GSDME: variants seen among roughly 807,000 people sequenced by gnomAD.
GSDME encodes gasdermin-E.
GSDME carries 44 observed loss-of-function variants against 47.5 expected under a neutral mutation model. The ratio of observed to expected loss-of-function variants is 0.93; its 90% confidence interval spans 0.73 to 1.19. GSDME has a LOEUF of 1.19. GSDME is among the 50% of genes most tolerant of loss of function. The pLI is 0.00. For missense variants in GSDME, 663 were observed against 604.2 expected (o/e 1.10, Z -1.02); for synonymous variants, 258 against 252.8 (o/e 1.02, Z -0.20).
the GSDME span, among the ~76,000 whole-genome samples, chr7:24,777,564 A>C: frequency 1.3e-5 from 2 of 152,192 alleles, no homozygotes; most frequent in Non-Finnish European, 2.9e-5. Context: ...CCCACACCTA[A>C]GACTGAGCCT....
chr7:24,784,321 G>A, the GSDME span, among the ~76,000 whole-genome samples: 3 of 152,144 alleles, frequency 2.0e-5, no homozygotes, highest in African/African-American at 4.8e-5. Flanking sequence ...ACTGACTCAC[G>A]TGATCACAAG....
upstream of GSDME, among the ~76,000 whole-genome samples, chr7:24,759,491 G>C (rs770566159): frequency 6.6e-6 from 1 of 151,996 alleles, no homozygotes; most frequent in Non-Finnish European, 1.5e-5. Context: ...TCTGTCTACT[G>C]TCACCAAGCA....
chr7:24,705,880 C>A lies in GSDME; in HGVS notation c.1183+304G>T. 8 of 461,152 alleles carry A rather than the reference C, an allele frequency of 1.7e-5. No individual in the cohort carries two copies. Among genetic ancestry groups the A allele is most frequent in the South Asian group, 1.5e-4 (7 of 48,146 alleles). The allele number at this position is 461,152 out of a possible 1,614,324, so 28.6% of individuals were successfully genotyped here. Reference sequence around the variant, plus strand: ...CTGGGACTCCGGAGTGAACCACAGCCTGTCAGGGAGATGCTTGCTTTTGTA... The same window carrying A: ...CTGGGACTCCGGAGTGAACCACAGCATGTCAGGGAGATGCTTGCTTTTGTA... On this transcript the variant is annotated intron_variant, in intron 8 of 9. Coordinates refer to ENST00000645220, the MANE Select transcript of GSDME (RefSeq NM_001127453.2). This position sits in a 1 kb window ranked among gnomAD's most constrained non-coding sequence, Gnocchi z 4.1.
chr7:24,713,185 A>G (rs1789422124), intron 5 of GSDME, among the ~76,000 whole-genome samples: 1 of 152,172 alleles, frequency 6.6e-6, no homozygotes, highest in African/African-American at 2.4e-5. Flanking sequence ...AGAGCATATG[A>G]TGGAAAGGCC....
At chr7:24,760,173 A>G (rs145838571), upstream of GSDME, among the ~76,000 whole-genome samples, 38 of 152,348 alleles carry the variant, frequency 2.5e-4, no homozygotes, top group African/African-American at 8.9e-4. This position sits in a 1 kb window ranked among gnomAD's most constrained non-coding sequence, Gnocchi z 4.2. Context: ...TCTGAAACAC[A>G]TCTATTGGGT....
In GSDME at chr7:24,705,763, AG is replaced by A; in HGVS notation, c.1183+420del. 3.1e-6 allele frequency: 1 copy of A among 323,882 alleles called. No individual in the cohort carries two copies. The highest frequency in any genetic ancestry group is 6.0e-6 in the Non-Finnish European group (1 of 166,296). 20.1% of individuals were successfully genotyped at this position (323,882 alleles called of 1,614,324 possible). On this transcript the variant is annotated intron_variant, in intron 8 of 9. Transcript: ENST00000645220. This position sits in a 1 kb window ranked among gnomAD's most constrained non-coding sequence, Gnocchi z 4.1. ...CCCCTTGCCCCAGACAGGAGCACGC[AG>A]GGTGGGGAATAACAAGTTTGCAAAG...
At chr7:24,762,831 T>G (rs1791186915), upstream of GSDME, among the ~76,000 whole-genome samples, 1 of 150,124 alleles carries the variant, frequency 6.7e-6, no homozygotes, top group Non-Finnish European at 1.5e-5. Context: ...ACTAAGGTAC[T>G]TCTAGGTTTT....
In GSDME at chr7:24,716,513, A is replaced by G. The variant is rs1288590270; in HGVS notation, c.697+741T>C. 4 of 152,856 alleles carry G rather than the reference A, an allele frequency of 2.6e-5. No individual in the cohort carries two copies. Among genetic ancestry groups the G allele is most frequent in the African/African-American group, 9.6e-5 (4 of 41,464 alleles). The allele number at this position is 152,856 out of a possible 1,614,324, so 9.5% of individuals were successfully genotyped here. ...TCATGTCCCTAAGGAGCGGTCACAC[A>G]GCTTTCATGAGTGAACACAACCTCT... is the stretch of plus-strand genomic sequence containing the variant. On this transcript the variant is annotated intron_variant, in intron 5 of 9. Transcript: ENST00000645220. The surrounding 1 kb of genome is among the most constrained non-coding windows in gnomAD (Gnocchi z 4.5).
chr7:24,733,564 G>A lies in GSDME; in HGVS notation c.404+10998C>T, dbSNP rs1023263903. Among the ~76,000 whole-genome samples the A allele has an allele frequency of 9.2e-5, 14 of 152,086 alleles. No homozygotes were observed. Among genetic ancestry groups the A allele is most frequent in the Admixed American group, 3.3e-4 (5 of 15,272 alleles). On this transcript the variant is annotated intron_variant, in intron 3 of 9. Coordinates refer to ENST00000645220, the MANE Select transcript of GSDME (RefSeq NM_001127453.2). This position sits in a 1 kb window ranked among gnomAD's most constrained non-coding sequence, Gnocchi z 4.3. ...GGGACCCCACTGCCCTGAAGAGTGC[G>A]TCTCAAACCTGCCAGCATTCACCAC...
chr7:24,790,865 C>T, the GSDME span, among the ~76,000 whole-genome samples: 1 of 152,026 alleles, frequency 6.6e-6, no homozygotes, highest in East Asian at 1.9e-4. This position sits in a 1 kb window ranked among gnomAD's most constrained non-coding sequence, Gnocchi z 4.1. Flanking sequence ...AACTTTTTGC[C>T]CTACCTTAGT....
In GSDME at chr7:24,717,372, C is replaced by T. The variant is rs1449532460; in HGVS notation, c.579G>A (p.Val193=). The T allele has an allele frequency of 1.9e-6, 3 of 1,614,074 alleles. No individual in the cohort carries two copies. Among genetic ancestry groups the T allele is most frequent in the African/African-American group, 1.3e-5 (1 of 74,912 alleles). ...IVGIQTKTVQ[V]SATEDGNVTK... Reference sequence around the variant, plus strand: ...TGACATTCCCATCCTCCGTCGCTGACACCTGTGGGCAAAAGCGCACACTCC... The same window carrying T: ...TGACATTCCCATCCTCCGTCGCTGATACCTGTGGGCAAAAGCGCACACTCC... The change falls in exon 5 of 10, where the codon GTG becomes GTA. Residue 193 remains valine (V), a splice_region_variant and synonymous_variant. Coordinates refer to ENST00000645220, the MANE Select transcript of GSDME (RefSeq NM_001127453.2).
At chr7:24,719,322 A>G (rs1017759985) in intron 3 of GSDME, 104 bp from the exon 4 acceptor site, 1 of 1,251,588 alleles carries the variant, frequency 8.0e-7, no homozygotes, top group Non-Finnish European at 1.1e-6. Flanking sequence ...AGCAGGTGAC[A>G]GCCAGGCTTT....
the GSDME span, among the ~76,000 whole-genome samples, chr7:24,785,352 C>G: frequency 6.6e-4 from 100 of 152,324 alleles, no homozygotes; most frequent in East Asian, 9.3e-3. Flanking sequence ...AGCATAGTTC[C>G]TGACCAGAAA....
chr7:24,707,970 G>A (rs1055062838), intron 7 of GSDME, 157 bp downstream of exon 7: 2 of 857,128 alleles, frequency 2.3e-6, no homozygotes, highest in African/African-American at 3.4e-5. Flanking sequence ...CCAGCTACCT[G>A]TCTGCACTTA....
intron 3 of GSDME, among the ~76,000 whole-genome samples, chr7:24,719,476 C>A (rs1403387433): frequency 1.3e-5 from 2 of 152,114 alleles, no homozygotes; most frequent in Non-Finnish European, 2.9e-5. Flanking sequence ...AACAGCAGCG[C>A]CGGTTGTCAA....
At chr7:24,715,507 G>T (rs1485413841) in intron 5 of GSDME, 1 of 470,900 alleles carries the variant, frequency 2.1e-6, no homozygotes, top group Non-Finnish European at 4.4e-6. Flanking sequence ...AAGCTGCGGG[G>T]GAGTGACACA....
chr7:24,753,243 T>C (rs186610540), intron 1 of GSDME, among the ~76,000 whole-genome samples: 5 of 152,286 alleles, frequency 3.3e-5, no homozygotes, highest in African/African-American at 1.2e-4. Flanking sequence ...AGAAATCCCA[T>C]TCCTGCCCAG....
Position 24,724,944 on chromosome 7 carries a change from CTT to C in GSDME, c.405-5728_405-5727del, listed in dbSNP as rs1159870190. 6.6e-6 allele frequency among the ~76,000 whole-genome samples: 1 copy of C among 152,278 alleles called. No homozygotes were observed. The highest frequency in any genetic ancestry group is 6.5e-5 in the Admixed American group (1 of 15,302). On this transcript the variant is annotated intron_variant, in intron 3 of 9. Transcript: ENST00000645220. The surrounding 1 kb of genome is among the most constrained non-coding windows in gnomAD (Gnocchi z 4.8). Reference sequence around the variant, plus strand: ...TGTGGTACCTTCCCCCTCACTCTCTCTTGTTCCTCTTTCTTGCTCCTGTTCTT... The same window carrying C: ...TGTGGTACCTTCCCCCTCACTCTCTCGTTCCTCTTTCTTGCTCCTGTTCTT...
chr7:24,708,159 CAAAT>C lies in GSDME; in HGVS notation c.954_957del (p.Phe319MetfsTer29). 1 of 1,614,146 alleles carries C rather than the reference CAAAT, an allele frequency of 6.2e-7. No homozygotes were observed. Among genetic ancestry groups the C allele is most frequent in the Non-Finnish European group, 8.5e-7 (1 of 1,180,024 alleles). On this transcript the variant is annotated frameshift_variant, in exon 7 of 10. Transcript: ENST00000645220. LOFTEE classifies it high-confidence loss of function. ...TCCAGGACCATGAGTAGTTCATCAT[CAAAT>C]AGGACCGCCTGGAAGATGTCACTCA...
Sources: allele counts gnomAD v4.1 joint callset (sites outside exome capture counted in the v4.1 genomes callset), GRCh38; gene constraint gnomAD v4.1.1; non-coding constraint Gnocchi (gnomAD v3.1); transcripts MANE v1.5; gene names NCBI Gene and HGNC (gene_info 2026-07-23, HGNC 2026-07-21).